TUSC3: variants seen among roughly 807,000 people sequenced by gnomAD.
TUSC3 encodes dolichyl-diphosphooligosaccharide--protein glycosyltransferase subunit TUSC3.
TUSC3 carries 45 observed loss-of-function variants against 44.8 expected under a neutral mutation model. The ratio of observed to expected loss-of-function variants is 1.00; its 90% CI spans 0.79 to 1.29. The LOEUF (loss-of-function observed/expected upper bound fraction) is 1.29. Ranked by LOEUF, TUSC3 falls within the 50% of genes most tolerant of loss-of-function variation. TUSC3 has a pLI of 0.00. For synonymous variants in TUSC3, 212 were observed against 152.9 expected, an observed-to-expected ratio of 1.39 and a Z score of -2.85; for missense variants, 519 against 437.9, an observed-to-expected ratio of 1.19 and a Z score of -1.65.
At chr8:15,460,911 C>T (rs1002928752) in intron 1 of TUSC3, among the ~76,000 whole-genome samples, 5 of 152,098 alleles carry the variant, frequency 3.3e-5, no homozygotes, top group African/African-American at 1.2e-4. Flanking sequence ...ACCAGCATCA[C>T]CCTGTTTTGG....
At chr8:15,644,470 T>C (rs2129172981) in intron 2 of TUSC3, among the ~76,000 whole-genome samples, 1 of 152,342 alleles carries the variant, frequency 6.6e-6, no homozygotes, top group South Asian at 2.1e-4. Flanking sequence ...CCATTTCAGA[T>C]GGTAGTGAGG....
chr8:15,634,603 GT>G (rs1805979374), intron 2 of TUSC3, among the ~76,000 whole-genome samples: 1 of 152,228 alleles, frequency 6.6e-6, no homozygotes, highest in Non-Finnish European at 1.5e-5. Context: ...AGATCCAGCA[GT>G]TGATGGTTTC....
intron 2 of TUSC3, among the ~76,000 whole-genome samples, chr8:15,643,834 C>T (rs754956358): frequency 6.6e-6 from 1 of 152,050 alleles, no homozygotes; most frequent in Non-Finnish European, 1.5e-5. Flanking sequence ...TTTTTCTTCT[C>T]GAGGACCAGA....
At chr8:15,629,837 C>T (rs1364637063) in intron 2 of TUSC3, among the ~76,000 whole-genome samples, 1 of 151,564 alleles carries the variant, frequency 6.6e-6, no homozygotes, top group East Asian at 1.9e-4. Context: ...TTTTGGCTTC[C>T]TTGTAAGCCC....
At position 15,766,166 on chromosome 8, in the gene TUSC3, T is replaced by C. The variant is rs1466392333; in HGVS notation, c.*2010T>C. On this transcript the variant is annotated 3_prime_UTR_variant, in exon 11 of 11. Coordinates refer to ENST00000503731, the MANE Select transcript of TUSC3 (RefSeq NM_006765.4). ...CAGTGATAAAAACAATATTTTTTTT[T>C]CAGAATTTCATGCTTTAAAAAGCTG... is the stretch of plus-strand genomic sequence containing the variant. 4 of 152,084 alleles carry C rather than the reference T, an allele frequency of 2.6e-5. No individual in the cohort carries two copies. Among genetic ancestry groups the C allele is most frequent in the Admixed American group, 6.6e-5 (1 of 15,244 alleles). The allele number at this position is 152,084 out of a possible 1,614,324, so 9.4% of individuals were successfully genotyped here.
At chr8:15,473,878 G>A (rs143828600) in intron 1 of TUSC3, among the ~76,000 whole-genome samples, 4,195 of 152,226 alleles carry the variant, frequency 0.028, 81 homozygotes, top group Non-Finnish European at 0.042. Context: ...AGAAAACAGG[G>A]TTTGAGAGCA....
At chr8:15,507,712 A>G (rs2129127849) in intron 2 of TUSC3, among the ~76,000 whole-genome samples, 1 of 152,294 alleles carries the variant, frequency 6.6e-6, no homozygotes, top group East Asian at 1.9e-4. Flanking sequence ...TGAGAACTTG[A>G]TAGGTATTGG....
intron 7 of TUSC3, among the ~76,000 whole-genome samples, chr8:15,735,580 A>C (rs73665489): frequency 0.025 from 3,817 of 152,350 alleles, 158 homozygotes; most frequent in African/African-American, 0.088. Flanking sequence ...CCAATAAATC[A>C]AAACCTCTGT....
intron 2 of TUSC3, among the ~76,000 whole-genome samples, chr8:15,521,736 G>A (rs1451837958): frequency 6.6e-6 from 1 of 152,156 alleles, no homozygotes; most frequent in Non-Finnish European, 1.5e-5. Context: ...GGCCTTCTGA[G>A]GCACTTTATG....
intron 1 of TUSC3, among the ~76,000 whole-genome samples, chr8:15,423,551 A>G (rs192309746): frequency 1.3e-5 from 2 of 152,104 alleles, no homozygotes. Flanking sequence ...TAATTTTTCA[A>G]TTTCTTGTTA....
chr8:15,810,170 C>G, the TUSC3 span, among the ~76,000 whole-genome samples: 15 of 152,116 alleles, frequency 9.9e-5, no homozygotes, highest in African/African-American at 3.4e-4. Context: ...AGGTCCCACT[C>G]CAGAACAACT....
the TUSC3 span, among the ~76,000 whole-genome samples, chr8:15,784,865 T>C: frequency 6.6e-6 from 1 of 152,112 alleles, no homozygotes; most frequent in Non-Finnish European, 1.5e-5. Flanking sequence ...TAACAATGTA[T>C]TGTGTATTTT....
the TUSC3 span, among the ~76,000 whole-genome samples, chr8:15,778,012 C>A: frequency 6.6e-6 from 1 of 151,612 alleles, no homozygotes; most frequent in East Asian, 1.9e-4. Context: ...CTCCTTGCCC[C>A]CTACCAATCC....
intron 1 of TUSC3, among the ~76,000 whole-genome samples, chr8:15,481,131 C>A (rs886543136): frequency 5.3e-5 from 8 of 151,752 alleles, no homozygotes; most frequent in Admixed American, 4.6e-4. Flanking sequence ...GACTGTAATC[C>A]CAGCTACTTG....
chr8:15,658,586 T>G (rs1807273308), intron 3 of TUSC3, among the ~76,000 whole-genome samples: 1 of 151,830 alleles, frequency 6.6e-6, no homozygotes, highest in Non-Finnish European at 1.5e-5. Context: ...AAAACTTTTT[T>G]TTATAATTCC....
intron 2 of TUSC3, among the ~76,000 whole-genome samples, chr8:15,510,790 A>C (rs1801123243): frequency 6.6e-6 from 1 of 152,102 alleles, no homozygotes; most frequent in Non-Finnish European, 1.5e-5. Context: ...AAACAGAAAG[A>C]CAAATATCCC....
chr8:15,617,068 C>T (rs116825787), intron 1 of TUSC3, among the ~76,000 whole-genome samples: 1 of 150,542 alleles, frequency 6.6e-6, no homozygotes, highest in East Asian at 2.0e-4. Context: ...TAGATGTACA[C>T]TAATCCACTC....
At chr8:15,443,071 A>G in intron 1 of TUSC3, among the ~76,000 whole-genome samples, 1 of 152,132 alleles carries the variant, frequency 6.6e-6, no homozygotes, top group Non-Finnish European at 1.5e-5. Flanking sequence ...TGCTATCTTC[A>G]GAGTTCAGCT....
the TUSC3 span, chr8:15,806,325 C>G: frequency 4.2e-6 from 3 of 716,134 alleles, no homozygotes; most frequent in Non-Finnish European, 8.0e-6. Context: ...GACACCTTCC[C>G]CCTGCTTCTT....
Sources: allele counts gnomAD v4.1 joint callset (sites outside exome capture counted in the v4.1 genomes callset), GRCh38; gene constraint gnomAD v4.1.1; transcripts MANE v1.5; gene names NCBI Gene and HGNC (gene_info 2026-07-23, HGNC 2026-07-21).